PCDHA12: variants seen among roughly 807,000 people sequenced by gnomAD.
The protein encoded by PCDHA12 is protocadherin alpha 12, also known as protocadherin alpha-12.
PCDHA12 carries 44 observed loss-of-function variants against 60.0 expected under a neutral mutation model. That is an observed-to-expected ratio of 0.73 (90% CI 0.58 to 0.94). The LOEUF is 0.94. Ranked by LOEUF, PCDHA12 falls within the 40% of genes least tolerant of loss-of-function variation. The probability of loss-of-function intolerance (pLI) is 0.00; values close to 1 mark genes in which losing one functional copy is unlikely to be tolerated. For missense variants in PCDHA12, 1,276 were observed against 1,239.7 expected, an observed-to-expected ratio of 1.03 and a Z score of -0.44; for synonymous variants, 569 against 553.0, an observed-to-expected ratio of 1.03 and a Z score of -0.40.
intron 1 of PCDHA12, among the ~76,000 whole-genome samples, chr5:140,938,121 A>T (rs981387543): frequency 2.0e-5 from 3 of 151,892 alleles, no homozygotes; most frequent in Admixed American, 6.6e-5. Context: ...CTCTTTTTTT[A>T]AAAAAATAGA....
Position 141,010,090 on chromosome 5 carries a change from C to A in PCDHA12, c.*153C>A. On this transcript the variant is annotated 3_prime_UTR_variant, in exon 4 of 4. Transcript: ENST00000398631. ...AAGTTCCCTGTGTCTGTCTAGAACG[C>A]ATTTAACAGGTTTTGTCGTAAAAGC... 1 of 1,612,636 alleles carries A rather than the reference C, an allele frequency of 6.2e-7. No homozygotes were observed. Among genetic ancestry groups the A allele is most frequent in the Non-Finnish European group, 8.5e-7 (1 of 1,179,276 alleles).
intron 1 of PCDHA12, chr5:140,884,142 G>A (rs782033390): frequency 5.6e-6 from 9 of 1,613,298 alleles, no homozygotes; most frequent in African/African-American, 1.3e-5. Flanking sequence ...TTCCGCGTGG[G>A]GCTGTACACT....
chr5:140,933,704 T>C (rs1436562602), intron 1 of PCDHA12, among the ~76,000 whole-genome samples: 1 of 152,084 alleles, frequency 6.6e-6, no homozygotes, highest in African/African-American at 2.4e-5. Flanking sequence ...CGGACACATT[T>C]ACTGAGATTG....
chr5:140,876,581 C>A lies in PCDHA12; in HGVS notation c.1109C>A (p.Ala370Asp). The part of the protein sequence containing the change: ...QEDAQVGTVI[A>D]LISVSDRDSG... ...GATGCTCAGGTGGGTACCGTCATTG[C>A]CCTGATTAGCGTGTCGGATCGTGAC... Residue 370 changes from alanine (A) to aspartate (D), a missense_variant, in exon 1 of 4, where the codon GCC becomes GAC. Transcript: ENST00000398631. 1.2e-6 allele frequency: 2 copies of A among 1,614,200 alleles called. No homozygotes were observed. Among genetic ancestry groups the A allele is most frequent in the Non-Finnish European group, 1.7e-6 (2 of 1,180,044 alleles).
At chr5:140,911,037 C>A (rs1432446373) in intron 1 of PCDHA12, among the ~76,000 whole-genome samples, 3 of 152,012 alleles carry the variant, frequency 2.0e-5, no homozygotes, top group Non-Finnish European at 4.4e-5. Context: ...GGTCTAGAAG[C>A]AAACAGGGGT....
intron 1 of PCDHA12, among the ~76,000 whole-genome samples, chr5:140,932,376 A>G (rs2088262778): frequency 6.6e-6 from 1 of 151,964 alleles, no homozygotes; most frequent in African/African-American, 2.4e-5. Context: ...TTTCCACATG[A>G]AAGTTATACA....
intron 3 of PCDHA12, among the ~76,000 whole-genome samples, chr5:141,005,512 G>C (rs1015892170): frequency 6.6e-6 from 1 of 151,536 alleles, no homozygotes; most frequent in Non-Finnish European, 1.5e-5. Flanking sequence ...GACCATCCTG[G>C]CTAACACGGT....
At chr5:140,892,721 T>A (rs1554185338) in intron 1 of PCDHA12, among the ~76,000 whole-genome samples, 1 of 152,226 alleles carries the variant, frequency 6.6e-6, no homozygotes, top group Admixed American at 6.5e-5. Flanking sequence ...ATTCATAATC[T>A]CAAACATTTA....
chr5:140,967,272 TAG>T, intron 1 of PCDHA12: 1 of 1,613,412 alleles, frequency 6.2e-7, no homozygotes, highest in Non-Finnish European at 8.5e-7. Flanking sequence ...CGCTTTCACA[TAG>T]AGAGTGCGCA....
At position 141,010,952 on chromosome 5, in the gene PCDHA12, T is replaced by C. The variant is rs1217882818; in HGVS notation, c.*1015T>C. On this transcript the variant is annotated 3_prime_UTR_variant, in exon 4 of 4. Coordinates refer to ENST00000398631, the MANE Select transcript of PCDHA12 (RefSeq NM_018903.4). ...AGTCTACAGCCATTTAAATGATCAT[T>C]GCTGCTACAGAAGTGCTTTAAGAGA... 1 of 153,792 alleles carries C rather than the reference T, an allele frequency of 6.5e-6. No individual in the cohort carries two copies. Among genetic ancestry groups the C allele is most frequent in the East Asian group, 1.9e-4 (1 of 5,194 alleles). The allele number at this position is 153,792 out of a possible 1,614,324, so 9.5% of individuals were successfully genotyped here. A position where few individuals can be genotyped will look rare whatever the true frequency, so the allele number is the denominator to read the frequency against.
intron 1 of PCDHA12, among the ~76,000 whole-genome samples, chr5:140,952,160 G>C (rs952147312): frequency 6.6e-6 from 1 of 152,044 alleles, no homozygotes; most frequent in Non-Finnish European, 1.5e-5. Flanking sequence ...GGCTTTGTGG[G>C]GTTCAGTTCC....
intron 1 of PCDHA12, among the ~76,000 whole-genome samples, chr5:140,965,085 C>T (rs1439379437): frequency 6.6e-6 from 1 of 152,142 alleles, no homozygotes; most frequent in African/African-American, 2.4e-5. Context: ...TGACTTTGTT[C>T]CAGTCCATAG....
intron 1 of PCDHA12, among the ~76,000 whole-genome samples, chr5:140,959,741 C>T (rs1415934970): frequency 6.6e-6 from 1 of 152,068 alleles, no homozygotes; most frequent in Admixed American, 6.6e-5. Flanking sequence ...CATCAAAATG[C>T]CTTAAAGTAT....
At chr5:140,999,524 C>T (rs1367103048) in intron 3 of PCDHA12, among the ~76,000 whole-genome samples, 1 of 152,026 alleles carries the variant, frequency 6.6e-6, no homozygotes, top group Non-Finnish European at 1.5e-5. Context: ...ATTTTGTTAC[C>T]CCCTGGATAT....
In PCDHA12 at chr5:140,895,957, C is replaced by G. The variant is rs186458993; in HGVS notation, c.2367+18118C>G. Among the ~76,000 whole-genome samples, 2 of 152,196 alleles carry G rather than the reference C, an allele frequency of 1.3e-5. 1 individual carries two copies. Among genetic ancestry groups the G allele is most frequent in the Admixed American group, 1.3e-4 (2 of 15,284 alleles). On this transcript the variant is annotated intron_variant, in intron 1 of 3. Transcript: ENST00000398631. Reference sequence around the variant, plus strand: ...TCCCGAGTAGCTGGGATTACAGGTGCCTGTCACCAGGCCTAGCTAATTTTT... The same window carrying G: ...TCCCGAGTAGCTGGGATTACAGGTGGCTGTCACCAGGCCTAGCTAATTTTT...
chr5:140,907,433 G>A (rs1006736760), intron 1 of PCDHA12, among the ~76,000 whole-genome samples: 5 of 152,246 alleles, frequency 3.3e-5, no homozygotes, highest in Admixed American at 1.3e-4. Context: ...GGCATTCTGT[G>A]AGTCCACAGA....
At chr5:140,966,253 G>A in intron 1 of PCDHA12, 1 of 328,324 alleles carries the variant, frequency 3.0e-6, no homozygotes, top group South Asian at 1.5e-4. Context: ...GGGGAGAGAC[G>A]GTGGAGACTG....
chr5:140,961,793 A>G (rs1554225592), intron 1 of PCDHA12, among the ~76,000 whole-genome samples: 2 of 152,166 alleles, frequency 1.3e-5, no homozygotes, highest in Admixed American at 1.3e-4. Flanking sequence ...TTTTTAAAAG[A>G]TAGGAAATTG....
Position 140,876,662 on chromosome 5 carries a change from T to G in PCDHA12, c.1190T>G (p.Leu397Arg), listed in dbSNP as rs782771484. 1.4e-5 allele frequency: 23 copies of G among 1,614,114 alleles called. No homozygotes were observed. The highest frequency in any genetic ancestry group is 1.9e-5 in the Non-Finnish European group (23 of 1,180,056). ...CSLTPHVPFK[L>R]VSTYKNYYSL... ...CTGACACCTCATGTTCCCTTCAAGCTGGTGTCCACCTACAAGAATTACTAC... is the reference window on the plus strand; with the variant it reads ...CTGACACCTCATGTTCCCTTCAAGCGGGTGTCCACCTACAAGAATTACTAC... Residue 397 changes from leucine (L) to arginine (R), a missense_variant, in exon 1 of 4, where the codon CTG becomes CGG. Coordinates refer to ENST00000398631, the MANE Select transcript of PCDHA12 (RefSeq NM_018903.4).
Sources: gnomAD v4.1 joint callset for allele counts (sites outside exome capture counted in the v4.1 genomes callset) on GRCh38, gnomAD v4.1.1 for gene constraint, MANE v1.5 for transcripts, NCBI Gene and HGNC (gene_info 2026-07-23, HGNC 2026-07-21) for gene names.